Variants in NRG1 observed in about 807,000 individuals in gnomAD.
NRG1 encodes neuregulin 1.
NRG1 carries 18 observed loss-of-function variants against 63.8 expected under a neutral mutation model. The observed-to-expected ratio is 0.28, with a 90% confidence interval of 0.19 to 0.42. The LOEUF (loss-of-function observed/expected upper bound fraction) is 0.42, where lower values mean the gene tolerates loss of function less well. Among genes scored for constraint, NRG1 ranks in the 10% least tolerant of loss-of-function variants. The pLI, the probability that NRG1 is intolerant of heterozygous loss-of-function variation, is 1.00. For synonymous variants in NRG1, 302 were observed against 301.3 expected (o/e 1.00, Z -0.02); for missense variants, 762 against 814.7 (o/e 0.94, Z 0.79).
intron 1 of NRG1, among the ~76,000 whole-genome samples, chr8:32,122,472 G>A (rs923209916): frequency 5.9e-5 from 9 of 151,962 alleles, no homozygotes; most frequent in South Asian, 2.1e-4. Flanking sequence ...AATCCTATTC[G>A]TAATGATTGA....
At chr8:31,888,088 A>T (rs1478283846) in intron 1 of NRG1, among the ~76,000 whole-genome samples, 1 of 151,844 alleles carries the variant, frequency 6.6e-6, no homozygotes, top group Non-Finnish European at 1.5e-5. Flanking sequence ...TCAATATTAT[A>T]CATGTGTTGA....
At chr8:32,004,153 C>T (rs1456347069) in intron 1 of NRG1, among the ~76,000 whole-genome samples, 2 of 151,548 alleles carry the variant, frequency 1.3e-5, no homozygotes, top group African/African-American at 2.4e-5. Flanking sequence ...TGATTGCAGC[C>T]CCACGACCTT....
At chr8:32,370,134 G>A (rs1267861772) in intron 1 of NRG1, among the ~76,000 whole-genome samples, 3 of 152,162 alleles carry the variant, frequency 2.0e-5, no homozygotes, top group African/African-American at 7.2e-5. Context: ...GAGTGGAAAT[G>A]TTTCTAAGCA....
At chr8:32,278,319 G>T (rs1852328994) in intron 1 of NRG1, among the ~76,000 whole-genome samples, 2 of 151,954 alleles carry the variant, frequency 1.3e-5, no homozygotes, top group South Asian at 4.2e-4. Flanking sequence ...AGAGCAATTT[G>T]GGGGGAAAAA....
At chr8:31,748,243 A>T (rs1816093643) in intron 1 of NRG1, among the ~76,000 whole-genome samples, 1 of 151,966 alleles carries the variant, frequency 6.6e-6, no homozygotes, top group African/African-American at 2.4e-5. Context: ...AAATACTTTT[A>T]TAGTGCTTAG....
At chr8:32,058,171 A>G (rs1823268719) in intron 1 of NRG1, among the ~76,000 whole-genome samples, 1 of 152,098 alleles carries the variant, frequency 6.6e-6, no homozygotes, top group Admixed American at 6.6e-5. Flanking sequence ...GAAGGACCAT[A>G]CTTAAACTTG....
intron 1 of NRG1, among the ~76,000 whole-genome samples, chr8:32,517,040 G>A (rs1213972886): frequency 2.6e-5 from 4 of 152,102 alleles, no homozygotes; most frequent in South Asian, 2.1e-4. Context: ...AAGTAAAAAT[G>A]AGTAATTTTA....
At chr8:32,442,055 C>G (rs2347485) in intron 1 of NRG1, among the ~76,000 whole-genome samples, 36,633 of 152,058 alleles carry the variant, frequency 0.24, 5,436 homozygotes, top group East Asian at 0.74. Flanking sequence ...CTTTATCTCA[C>G]TAATGTGTCA....
At chr8:32,763,126 T>C in intron 11 of NRG1, 2 of 1,297,022 alleles carry the variant, frequency 1.5e-6, no homozygotes, top group Non-Finnish European at 1.1e-6. Flanking sequence ...TGTTAACTAG[T>C]TGCATTTCAT....
chr8:31,709,244 A>G (rs892858331), intron 1 of NRG1, among the ~76,000 whole-genome samples: 5 of 150,974 alleles, frequency 3.3e-5, no homozygotes, highest in African/African-American at 1.2e-4. Context: ...ATCTATGGAA[A>G]TTATCTTGTG....
chr8:32,222,034 T>TATACACACACACAC (rs1554658204), intron 1 of NRG1, among the ~76,000 whole-genome samples: 33 of 148,698 alleles, frequency 2.2e-4, no homozygotes, highest in African/African-American at 7.9e-4. Flanking sequence ...GAAACATACA[T>TATACACACACACAC]ACACACACAC....
At chr8:32,272,312 T>C (rs898147670) in intron 1 of NRG1, among the ~76,000 whole-genome samples, 6 of 152,138 alleles carry the variant, frequency 3.9e-5, no homozygotes, top group African/African-American at 1.4e-4. Context: ...TTCCTCTTCT[T>C]ATAAGGATGC....
At position 32,764,804 on chromosome 8, in the gene NRG1, C is replaced by T. The variant is rs537114507; in HGVS notation, c.*402C>T. 11 of 160,668 alleles carry T rather than the reference C, an allele frequency of 6.8e-5. No homozygotes were observed. The South Asian group carries it at 1.4e-3, about 20-fold the overall frequency. 10.0% of individuals were successfully genotyped at this position (160,668 alleles called of 1,614,324 possible). On this transcript the variant is annotated 3_prime_UTR_variant, in exon 12 of 12. Transcript: ENST00000356819. ...CCCTCTGTTTGCTTGTAGTAGCACCCGATCAGTATGTCTTGTAATGGCACA... is the reference window on the plus strand; with the variant it reads ...CCCTCTGTTTGCTTGTAGTAGCACCTGATCAGTATGTCTTGTAATGGCACA...
chr8:32,280,679 GGTTTTTTTTTTGTT>G (rs772611468), intron 1 of NRG1, among the ~76,000 whole-genome samples: 5,421 of 94,928 alleles, frequency 0.057, 146 homozygotes, highest in Non-Finnish European at 0.076. Flanking sequence ...AACTGAATTA[GGTTTTTTTTTTGTT>G]TTTTTTTTTT....
At chr8:32,229,556 A>G (rs905991223) in intron 1 of NRG1, among the ~76,000 whole-genome samples, 5 of 152,148 alleles carry the variant, frequency 3.3e-5, no homozygotes, top group Non-Finnish European at 7.3e-5. Flanking sequence ...CATGGCTGTA[A>G]CAGACACCCT....
chr8:31,817,014 C>CATT (rs1343513078), intron 1 of NRG1, among the ~76,000 whole-genome samples: 2 of 152,022 alleles, frequency 1.3e-5, no homozygotes, highest in Non-Finnish European at 2.9e-5. Context: ...AAATGTCCCT[C>CATT]ATTATAAAAA....
At chr8:32,080,652 T>A (rs1223600678) in intron 1 of NRG1, among the ~76,000 whole-genome samples, 3 of 152,062 alleles carry the variant, frequency 2.0e-5, no homozygotes, top group African/African-American at 4.8e-5. Flanking sequence ...AGCGGCAAAG[T>A]TCTGAGATGA....
chr8:32,733,009 G>A (rs556662855), intron 6 of NRG1, among the ~76,000 whole-genome samples: 38 of 152,006 alleles, frequency 2.5e-4, no homozygotes, highest in African/African-American at 7.7e-4. Context: ...GTTTCACCAC[G>A]TTGGTCAGGC....
intron 1 of NRG1, among the ~76,000 whole-genome samples, chr8:31,764,821 G>A (rs1817893431): frequency 6.6e-6 from 1 of 151,218 alleles, no homozygotes; most frequent in Non-Finnish European, 1.5e-5. Context: ...CATGTGCCAT[G>A]CTGGTGCACT....
Sources: gnomAD v4.1 joint callset for allele counts (sites outside exome capture counted in the v4.1 genomes callset) on GRCh38, gnomAD v4.1.1 for gene constraint, MANE v1.5 for transcripts, NCBI Gene and HGNC (gene_info 2026-07-23, HGNC 2026-07-21) for gene names.